Variants in PCDHA6 observed in about 807,000 individuals in gnomAD.
The protein encoded by PCDHA6 is protocadherin alpha-6.
Under a neutral mutation model 60.3 loss-of-function variants are expected in PCDHA6, and 55 were observed. That is an observed-to-expected ratio of 0.91 (90% CI 0.73 to 1.14). PCDHA6 has a LOEUF of 1.14. Among genes scored for constraint, PCDHA6 ranks in the 50% most tolerant of loss-of-function variants. The pLI, the probability that PCDHA6 is intolerant of heterozygous loss-of-function variation, is 0.00. For missense variants in PCDHA6, 1,327 were observed against 1,256.5 expected (o/e 1.06, Z -0.85); for synonymous variants, 652 against 557.9 (o/e 1.17, Z -2.38).
At chr5:140,857,353 G>A (rs1197611806) in intron 1 of PCDHA6, 1 of 1,598,220 alleles carries the variant, frequency 6.3e-7, no homozygotes, top group African/African-American at 1.3e-5. Flanking sequence ...CTCCGCTGTG[G>A]GCCACGGCCA....
intron 1 of PCDHA6, chr5:140,853,093 A>T (rs1554146395): frequency 9.0e-6 from 3 of 333,900 alleles, no homozygotes; most frequent in Non-Finnish European, 1.3e-5. Context: ...GTTAGTCAGG[A>T]TGGTCTCGAT....
intron 1 of PCDHA6, among the ~76,000 whole-genome samples, chr5:140,954,400 A>G (rs1349668578): frequency 6.6e-6 from 1 of 152,214 alleles, no homozygotes; most frequent in East Asian, 1.9e-4. Context: ...CAACCCCACC[A>G]ACAGGGTAAA....
intron 1 of PCDHA6, chr5:140,927,458 AAG>A: frequency 6.2e-7 from 1 of 1,614,124 alleles, no homozygotes; most frequent in Non-Finnish European, 8.5e-7. Context: ...GTGTTGGAGA[AAG>A]CACTGGATCG....
intron 1 of PCDHA6, among the ~76,000 whole-genome samples, chr5:140,833,607 C>A (rs1037062393): frequency 6.6e-6 from 1 of 152,056 alleles, no homozygotes; most frequent in East Asian, 1.9e-4. Flanking sequence ...TCTGCTAAAG[C>A]AAAAAATTCA....
intron 1 of PCDHA6, chr5:140,966,879 GC>G: frequency 1.3e-6 from 2 of 1,587,514 alleles, no homozygotes; most frequent in Non-Finnish European, 1.7e-6. Flanking sequence ...CTGCTACCTG[GC>G]CCTGCGGCCT....
At chr5:140,984,441 T>A (rs1554246265) in intron 3 of PCDHA6, among the ~76,000 whole-genome samples, 3 of 152,200 alleles carry the variant, frequency 2.0e-5, no homozygotes, top group Admixed American at 6.5e-5. Context: ...TCTCCCTTGT[T>A]CCCTTTCTTA....
intron 1 of PCDHA6, among the ~76,000 whole-genome samples, chr5:140,957,377 G>A (rs1001680224): frequency 3.3e-5 from 5 of 152,074 alleles, no homozygotes; most frequent in Admixed American, 2.0e-4. Context: ...TTATTATAGT[G>A]TATTGTTATA....
At chr5:140,994,387 C>G (rs192635308) in intron 3 of PCDHA6, among the ~76,000 whole-genome samples, 1 of 152,174 alleles carries the variant, frequency 6.6e-6, no homozygotes, top group South Asian at 2.1e-4. Context: ...GGGACTAAGT[C>G]AGAGATTATT....
chr5:140,903,180 T>C (rs149488870), intron 1 of PCDHA6, among the ~76,000 whole-genome samples: 1,613 of 152,324 alleles, frequency 0.011, 17 homozygotes, highest in African/African-American at 0.028. Context: ...TTCCCACCAA[T>C]AGTATAAAAG....
chr5:140,872,816 T>C (rs1204141018), intron 1 of PCDHA6, among the ~76,000 whole-genome samples: 2 of 152,190 alleles, frequency 1.3e-5, no homozygotes, highest in African/African-American at 4.8e-5. Context: ...GTTTTTCAGA[T>C]TCATCTAGCA....
intron 1 of PCDHA6, among the ~76,000 whole-genome samples, chr5:140,921,271 A>C (rs1190111273): frequency 1.3e-5 from 2 of 152,142 alleles, no homozygotes; most frequent in East Asian, 1.9e-4. Flanking sequence ...TTTTATACTT[A>C]CTTGAAAAAA....
Position 140,983,978 on chromosome 5 carries a change from G to A in PCDHA6, c.2542+1415G>A, listed in dbSNP as rs529150173. Among the ~76,000 whole-genome samples the A allele has an allele frequency of 5.3e-5, 8 of 152,266 alleles. No individual in the cohort carries two copies. The South Asian group carries it at 1.5e-3, about 28-fold the overall frequency. Reference sequence around the variant, plus strand: ...AGTCACATTTGTCCAAAAAATATACGAGTTGAAGCAATTCATTAGAGAGCT... The same window carrying A: ...AGTCACATTTGTCCAAAAAATATACAAGTTGAAGCAATTCATTAGAGAGCT... On this transcript the variant is annotated intron_variant, in intron 3 of 3. Transcript: ENST00000529310.
At chr5:140,925,217 G>T (rs1217593393) in intron 1 of PCDHA6, among the ~76,000 whole-genome samples, 1 of 152,154 alleles carries the variant, frequency 6.6e-6, no homozygotes, top group Non-Finnish European at 1.5e-5. Flanking sequence ...ATACTTTTAG[G>T]CAGGTTTCTA....
chr5:140,886,917 T>C (rs893093876), intron 1 of PCDHA6, among the ~76,000 whole-genome samples: 12 of 152,044 alleles, frequency 7.9e-5, no homozygotes, highest in Non-Finnish European at 1.8e-4. Flanking sequence ...TTATTGAGTG[T>C]TCTCTATGTG....
At chr5:140,997,697 T>C (rs2153948518) in intron 3 of PCDHA6, among the ~76,000 whole-genome samples, 1 of 151,394 alleles carries the variant, frequency 6.6e-6, no homozygotes. Flanking sequence ...TGTGTGTGTG[T>C]ATGTTAACAA....
rs1769734688 is a variant in PCDHA6 at position 140,828,396 on chromosome 5, G to T, written c.305G>T (p.Cys102Phe). ...REELCGRSAE[C>F]SIHLEVIVDR... ...GAGCTGTGCGGGCGGAGCGCGGAGT[G>T]CAGCATCCACCTGGAGGTGATCGTG... Residue 102 changes from cysteine (C) to phenylalanine (F), a missense_variant, in exon 1 of 4, where the codon TGC (cysteine) becomes TTC (phenylalanine). Coordinates refer to ENST00000529310, the MANE Select transcript of PCDHA6 (RefSeq NM_018909.4). 1.2e-6 allele frequency: 2 copies of T among 1,614,160 alleles called. No homozygotes were observed. The highest frequency in any genetic ancestry group is 1.1e-5 in the South Asian group (1 of 91,094).
intron 1 of PCDHA6, chr5:140,849,576 G>T (rs2150441030): frequency 6.3e-7 from 1 of 1,598,698 alleles, no homozygotes; most frequent in East Asian, 2.2e-5. Context: ...TCCTGTAAAA[G>T]AGGACGCACA....
intron 1 of PCDHA6, among the ~76,000 whole-genome samples, chr5:140,891,306 A>G (rs1452305510): frequency 6.6e-6 from 1 of 152,034 alleles, no homozygotes; most frequent in African/African-American, 2.4e-5. Flanking sequence ...ATTTGATTAC[A>G]TGAGTAAGTT....
intron 3 of PCDHA6, among the ~76,000 whole-genome samples, chr5:141,000,391 CTCTCTATATA>C (rs1171335262): frequency 2.9e-3 from 162 of 56,578 alleles, no homozygotes; most frequent in African/African-American, 4.6e-3. Flanking sequence ...CTCTCTCTCT[CTCTCTATATA>C]TATATATATA....
Sources: allele counts gnomAD v4.1 joint callset (sites outside exome capture counted in the v4.1 genomes callset), GRCh38; gene constraint gnomAD v4.1.1; transcripts MANE v1.5; gene names NCBI Gene and HGNC (gene_info 2026-07-23, HGNC 2026-07-21).